Variants in KIF13B observed in about 807,000 individuals in gnomAD.
The protein encoded by KIF13B is kinesin-like protein KIF13B.
A neutral mutation model predicts 222.0 loss-of-function variants in KIF13B; 127 were observed. The ratio of observed to expected loss-of-function variants is 0.57; its 90% CI spans 0.50 to 0.66. The LOEUF (loss-of-function observed/expected upper bound fraction) is 0.66, where lower values mean the gene tolerates loss of function less well. Ranked by LOEUF, KIF13B falls within the 30% of genes least tolerant of loss-of-function variation. The pLI is 0.00. For synonymous variants in KIF13B, 976 were observed against 919.0 expected (o/e 1.06, Z -1.12); for missense variants, 2,173 against 2,379.0 (o/e 0.91, Z 1.80).
At chr8:29,226,772 A>C (rs1815045325) in intron 2 of KIF13B, among the ~76,000 whole-genome samples, 1 of 152,194 alleles carries the variant, frequency 6.6e-6, no homozygotes, top group African/African-American at 2.4e-5. Flanking sequence ...TTTCATTTTG[A>C]CAGACTAATG....
intron 2 of KIF13B, among the ~76,000 whole-genome samples, chr8:29,202,010 C>T (rs905218368): frequency 2.6e-5 from 4 of 152,212 alleles, no homozygotes; most frequent in South Asian, 2.1e-4. Context: ...AAGCCCTGTT[C>T]GTTGTGTCCT....
rs554138796 is a variant in KIF13B at position 29,098,507 on chromosome 8, G to T, written c.4324+626C>A. 8.6e-5 allele frequency among the ~76,000 whole-genome samples: 13 copies of T among 151,508 alleles called. No individual in the cohort carries two copies. The East Asian group carries it at 2.3e-3, about 27-fold the overall frequency. ...AATCCCAGCTACTTGGGGGGCTGAG[G>T]CAGGAGAATCACTTGAACCTGGGAG... On this transcript the variant is annotated intron_variant, in intron 36 of 39. Transcript: ENST00000524189.
At chr8:29,201,452 A>T (rs981985101) in intron 2 of KIF13B, among the ~76,000 whole-genome samples, 2 of 152,252 alleles carry the variant, frequency 1.3e-5, no homozygotes, top group Non-Finnish European at 2.9e-5. Flanking sequence ...ATCACCTCTG[A>T]AAATGTTGTA....
intron 7 of KIF13B, among the ~76,000 whole-genome samples, chr8:29,180,685 C>G (rs369863780): frequency 6.6e-6 from 1 of 152,192 alleles, no homozygotes; most frequent in African/African-American, 2.4e-5. Context: ...CTACCACTAT[C>G]TTAGCAGACC....
intron 2 of KIF13B, among the ~76,000 whole-genome samples, chr8:29,212,657 T>C (rs954471806): frequency 2.0e-5 from 3 of 152,052 alleles, no homozygotes; most frequent in Non-Finnish European, 4.4e-5. Context: ...AGCTCCTTCA[T>C]AGTCTTTGTG....
At chr8:29,131,958 G>A (rs1392333033) in intron 23 of KIF13B, among the ~76,000 whole-genome samples, 2 of 152,138 alleles carry the variant, frequency 1.3e-5, no homozygotes, top group Admixed American at 1.3e-4. Context: ...AATTATAAAT[G>A]GAATCTAGCC....
intron 10 of KIF13B, among the ~76,000 whole-genome samples, chr8:29,172,205 C>A (rs896517913): frequency 6.6e-6 from 1 of 151,824 alleles, no homozygotes; most frequent in Non-Finnish European, 1.5e-5. Context: ...CTCAGCCTCC[C>A]GAGTAGCTGG....
At chr8:29,210,063 G>GA (rs397776775) in intron 2 of KIF13B, among the ~76,000 whole-genome samples, 26,807 of 142,206 alleles carry the variant, frequency 0.19, 2,618 homozygotes, top group African/African-American at 0.26. Context: ...CTCAGAGAGA[G>GA]AAAAAAAAAA....
intron 2 of KIF13B, among the ~76,000 whole-genome samples, chr8:29,211,117 A>T (rs2130473445): frequency 6.6e-6 from 1 of 152,326 alleles, no homozygotes; most frequent in South Asian, 2.1e-4. Context: ...CCTTCTTCTA[A>T]TTGGTCTGGC....
chr8:29,205,799 G>C (rs1813903342), intron 2 of KIF13B, among the ~76,000 whole-genome samples: 1 of 152,006 alleles, frequency 6.6e-6, no homozygotes, highest in Non-Finnish European at 1.5e-5. Context: ...AAATTAAAAA[G>C]AGGCCAGGCG....
At chr8:29,126,755 C>G (rs1038684081) in intron 25 of KIF13B, among the ~76,000 whole-genome samples, 3 of 152,130 alleles carry the variant, frequency 2.0e-5, no homozygotes, top group Non-Finnish European at 4.4e-5. Context: ...GCTCTCCCTG[C>G]TGGGTTTATA....
intron 37 of KIF13B, among the ~76,000 whole-genome samples, chr8:29,077,235 C>A (rs545673279): frequency 6.6e-6 from 1 of 152,174 alleles, no homozygotes; most frequent in African/African-American, 2.4e-5. Flanking sequence ...CCAGAACAGT[C>A]TCCCCTCTGC....
intron 2 of KIF13B, among the ~76,000 whole-genome samples, chr8:29,227,422 T>C (rs543133950): frequency 6.6e-6 from 1 of 152,228 alleles, no homozygotes; most frequent in East Asian, 1.9e-4. Context: ...CCCAAGTACT[T>C]GGGATTACAG....
chr8:29,109,332 G>A, intron 34 of KIF13B, 102 bp downstream of exon 34: 1 of 895,810 alleles, frequency 1.1e-6, no homozygotes, highest in Non-Finnish European at 1.8e-6. Context: ...GCAAGGGAAG[G>A]GTTTCGGAGA....
intron 5 of KIF13B, among the ~76,000 whole-genome samples, chr8:29,187,883 C>T (rs1306354221): frequency 2.0e-5 from 3 of 152,168 alleles, no homozygotes; most frequent in South Asian, 2.1e-4. Context: ...CAGATAAGGA[C>T]GCTGAAGGGC....
intron 35 of KIF13B, among the ~76,000 whole-genome samples, chr8:29,105,641 GTTTGTTTGGTTTTTTT>G (rs1809021409): frequency 8.7e-6 from 1 of 115,188 alleles, no homozygotes; most frequent in Admixed American, 9.9e-5. Context: ...ACTGGGCAGA[GTTTGTTTGGTTTTTTT>G]TTTTTTTTTT....
chr8:29,105,745 G>A (rs1809036833), intron 35 of KIF13B, among the ~76,000 whole-genome samples: 1 of 124,924 alleles, frequency 8.0e-6, no homozygotes, highest in African/African-American at 3.1e-5. Flanking sequence ...TGCAACTTCC[G>A]CCTCCCGGGT....
intron 2 of KIF13B, among the ~76,000 whole-genome samples, chr8:29,229,088 T>TAAAAAA (rs370080449): frequency 8.5e-5 from 8 of 94,672 alleles, no homozygotes; most frequent in Admixed American, 1.4e-4. Context: ...ATGTCAGCTT[T>TAAAAAA]AAAAAAAAAA....
intron 18 of KIF13B, 32 bp downstream of exon 18, chr8:29,146,346 T>C: frequency 6.2e-7 from 1 of 1,609,620 alleles, no homozygotes; most frequent in Non-Finnish European, 8.5e-7. Flanking sequence ...TCCAATGAGA[T>C]CTTTGTTTTT....
Sources: allele counts gnomAD v4.1 joint callset (sites outside exome capture counted in the v4.1 genomes callset), GRCh38; gene constraint gnomAD v4.1.1; transcripts MANE v1.5; gene names NCBI Gene and HGNC (gene_info 2026-07-23, HGNC 2026-07-21).